The following ABLIM1 variants were observed in gnomAD, a reference collection of about 807,000 sequenced individuals.
ABLIM1 encodes the protein actin-binding LIM protein 1.
ABLIM1 carries 40 observed loss-of-function variants against 107.0 expected under a neutral mutation model. The observed-to-expected ratio is 0.37, with a 90% CI of 0.29 to 0.49. The LOEUF is 0.49. Ranked by LOEUF, ABLIM1 falls within the 20% of genes least tolerant of loss-of-function variation. ABLIM1 has a pLI of 0.97. For missense variants in ABLIM1, 857 were observed against 1,008.5 expected, an observed-to-expected ratio of 0.85 and a Z score of 2.04; for synonymous variants, 357 against 357.3, an observed-to-expected ratio of 1.00 and a Z score of 0.01.
chr10:114,776,628 T>C, the ABLIM1 span, among the ~76,000 whole-genome samples: 1 of 151,890 alleles, frequency 6.6e-6, no homozygotes, highest in African/African-American at 2.4e-5. Context: ...AAAAATAAAA[T>C]GGATTTTTAT....
At chr10:114,532,446 G>C (rs964889976) in intron 6 of ABLIM1, among the ~76,000 whole-genome samples, 5 of 152,190 alleles carry the variant, frequency 3.3e-5, no homozygotes, top group African/African-American at 1.2e-4. Flanking sequence ...GGGAAGCCAC[G>C]AGGTCCAGGA....
At chr10:114,633,043 G>A (rs2078284885) in intron 1 of ABLIM1, among the ~76,000 whole-genome samples, 1 of 152,132 alleles carries the variant, frequency 6.6e-6, no homozygotes, top group Admixed American at 6.5e-5. Context: ...GGTCCCGACC[G>A]CATGCCATAT....
intron 6 of ABLIM1, among the ~76,000 whole-genome samples, chr10:114,493,675 G>A (rs903430076): frequency 4.6e-5 from 7 of 151,710 alleles, no homozygotes; most frequent in African/African-American, 1.5e-4. Context: ...TGGGAAAATG[G>A]GATCCCATTT....
chr10:114,556,122 T>G (rs2068700190), intron 4 of ABLIM1, among the ~76,000 whole-genome samples: 1 of 151,724 alleles, frequency 6.6e-6, no homozygotes, highest in Admixed American at 6.6e-5. Flanking sequence ...TAAGTTGAGG[T>G]CCTGAATTTA....
At chr10:114,668,767 GA>G (rs1281754436) in intron 1 of ABLIM1, among the ~76,000 whole-genome samples, 1 of 152,198 alleles carries the variant, frequency 6.6e-6, no homozygotes, top group East Asian at 1.9e-4. Context: ...AGGTAACAAT[GA>G]GCTAATTTCA....
At chr10:114,768,192 C>G (rs1031127507), upstream of ABLIM1, 25 of 182,232 alleles carry the variant, frequency 1.4e-4, no homozygotes, top group African/African-American at 5.8e-4. Flanking sequence ...GGTGCGGGGA[C>G]GCCGCCCGCA....
At chr10:114,668,267 T>C (rs972920401) in intron 1 of ABLIM1, among the ~76,000 whole-genome samples, 3 of 152,010 alleles carry the variant, frequency 2.0e-5, no homozygotes, top group Admixed American at 2.0e-4. Context: ...ATGGATAAGT[T>C]TGATGACCAA....
At chr10:114,600,177 G>T (rs900293516) in intron 2 of ABLIM1, among the ~76,000 whole-genome samples, 1 of 152,168 alleles carries the variant, frequency 6.6e-6, no homozygotes, top group East Asian at 1.9e-4. Flanking sequence ...CTGCTTAATG[G>T]CAAGGCAGGA....
At chr10:114,615,815 GA>G (rs535466258) in intron 1 of ABLIM1, among the ~76,000 whole-genome samples, 1,302 of 127,984 alleles carry the variant, frequency 0.01, 12 homozygotes, top group Admixed American at 0.026. Context: ...CTCTGACTCA[GA>G]AAAAAAAAAA....
intron 1 of ABLIM1, among the ~76,000 whole-genome samples, chr10:114,680,132 A>C (rs2080681237): frequency 6.8e-6 from 1 of 147,964 alleles, no homozygotes; most frequent in Non-Finnish European, 1.5e-5. Flanking sequence ...ATTTGCAAGA[A>C]TCTGAATCTC....
intron 12 of ABLIM1, chr10:114,465,458 A>C: frequency 2.7e-6 from 1 of 366,460 alleles, no homozygotes; most frequent in Non-Finnish European, 4.5e-6. Context: ...CCTTGCTTCC[A>C]GTAGCTCGCT....
At chr10:114,517,879 G>A (rs780207134) in intron 6 of ABLIM1, among the ~76,000 whole-genome samples, 1 of 152,134 alleles carries the variant, frequency 6.6e-6, no homozygotes, top group Non-Finnish European at 1.5e-5. Context: ...GGCTGACATG[G>A]ATCCCCGTGG....
the ABLIM1 span, among the ~76,000 whole-genome samples, chr10:114,791,822 T>A: frequency 6.6e-6 from 1 of 152,166 alleles, no homozygotes; most frequent in East Asian, 1.9e-4. Flanking sequence ...CCTTACACTC[T>A]AGCTGCTACC....
At chr10:114,595,432 G>A (rs1462594685) in intron 2 of ABLIM1, among the ~76,000 whole-genome samples, 4 of 152,138 alleles carry the variant, frequency 2.6e-5, no homozygotes, top group East Asian at 3.9e-4. Flanking sequence ...CTAATACAGC[G>A]TAAAATACAA....
chr10:114,615,079 A>T (rs2077046401), intron 1 of ABLIM1, among the ~76,000 whole-genome samples: 1 of 151,944 alleles, frequency 6.6e-6, no homozygotes, highest in South Asian at 2.1e-4. Flanking sequence ...AAAGAAAGAA[A>T]GAAAAACACA....
rs188233751 is a variant in ABLIM1 at position 114,670,785 on chromosome 10, G to T, written c.64+13505C>A. Reference sequence around the variant, plus strand: ...GTTGGGATTATAGGCGTAAGCCTCTGTGCCCAGCCTTTCCACAGATTTTTT... The same window carrying T: ...GTTGGGATTATAGGCGTAAGCCTCTTTGCCCAGCCTTTCCACAGATTTTTT... On this transcript the variant is annotated intron_variant, in intron 1 of 23. Transcript: ENST00000369256. Among the ~76,000 whole-genome samples, 771 of 152,360 alleles carry T rather than the reference G, an allele frequency of 5.1e-3. 5 individuals carry two copies. Among genetic ancestry groups the T allele is most frequent in the Admixed American group, 9.2e-3 (141 of 15,304 alleles).
At chr10:114,504,297 T>C (rs1262271710) in intron 6 of ABLIM1, among the ~76,000 whole-genome samples, 1 of 152,170 alleles carries the variant, frequency 6.6e-6, no homozygotes, top group Non-Finnish European at 1.5e-5. Flanking sequence ...GTTATTCTTA[T>C]GCCTGTCTGT....
Position 114,700,519 on chromosome 10 carries a change from T to C in ABLIM1, c.-213+67542A>G, listed in dbSNP as rs557941862. Reference sequence around the variant, plus strand: ...ACACACACACACACACACACACACATACACTCAAAGATGGAGAACTTACTC... The same window carrying C: ...ACACACACACACACACACACACACACACACTCAAAGATGGAGAACTTACTC... On this transcript the variant is annotated intron_variant, in intron 1 of 15. Transcript: ENST00000651092. Among the ~76,000 whole-genome samples the C allele has an allele frequency of 1.5e-4, 21 of 144,046 alleles. No homozygotes were observed. In the South Asian group the frequency reaches 1.7e-3, roughly 12 times the overall value. The allele number at this position is 144,046 out of a possible 152,430, so 94.5% of individuals were successfully genotyped here.
intron 1 of ABLIM1, among the ~76,000 whole-genome samples, chr10:114,639,247 G>C (rs1002032033): frequency 2.6e-5 from 4 of 152,168 alleles, no homozygotes; most frequent in Non-Finnish European, 5.9e-5. Flanking sequence ...ACACATCTCA[G>C]CAAGTTTCTC....
Sources: allele counts gnomAD v4.1 joint callset (sites outside exome capture counted in the v4.1 genomes callset), GRCh38; gene constraint gnomAD v4.1.1; transcripts MANE v1.5; gene names NCBI Gene and HGNC (gene_info 2026-07-23, HGNC 2026-07-21).